The following ADAM9 variants were observed in gnomAD, a reference collection of about 807,000 sequenced individuals.
ADAM9 encodes the protein ADAM metallopeptidase domain 9.
In ADAM9, 54 loss-of-function variants were observed where a neutral mutation model predicts 108.1. The observed-to-expected ratio is 0.50, with a 90% CI of 0.40 to 0.63. The LOEUF (loss-of-function observed/expected upper bound fraction) is 0.63. Ranked by LOEUF, ADAM9 falls within the 20% of genes least tolerant of loss-of-function variation. The probability of loss-of-function intolerance (pLI) is 0.00; values close to 1 mark genes in which losing one functional copy is unlikely to be tolerated. For missense variants in ADAM9, 830 were observed against 997.7 expected (o/e 0.83, Z 2.26); for synonymous variants, 316 against 336.0 (o/e 0.94, Z 0.65).
intron 20 of ADAM9, among the ~76,000 whole-genome samples, chr8:39,093,710 A>T (rs543178313): frequency 1.3e-5 from 2 of 152,168 alleles, no homozygotes; most frequent in East Asian, 1.9e-4. Context: ...TTCAGTATGA[A>T]GTTAGCTGTG....
At chr8:39,066,491 T>A (rs1288882309) in intron 14 of ADAM9, among the ~76,000 whole-genome samples, 1 of 152,270 alleles carries the variant, frequency 6.6e-6, no homozygotes, top group African/African-American at 2.4e-5. Flanking sequence ...TTTGCGTTTG[T>A]CTGATGGCCA....
intron 1 of ADAM9, among the ~76,000 whole-genome samples, chr8:38,997,663 G>A (rs965465293): frequency 6.6e-6 from 1 of 152,238 alleles, no homozygotes; most frequent in African/African-American, 2.4e-5. Context: ...GACGTTCATG[G>A]TATCCTTGGG....
intron 4 of ADAM9, chr8:39,014,933 T>C (rs1836479154): frequency 5.5e-6 from 1 of 183,006 alleles, no homozygotes; most frequent in African/African-American, 2.4e-5. Context: ...GTCCATTGTT[T>C]AATAGAAAAT....
intron 16 of ADAM9, 82 bp downstream of exon 16, chr8:39,077,493 C>G: frequency 7.7e-7 from 1 of 1,300,398 alleles, no homozygotes; most frequent in Non-Finnish European, 1.0e-6. Flanking sequence ...TTGCTCTTTT[C>G]TGATTGTAAA....
At chr8:39,044,691 C>G (rs1021170381) in intron 12 of ADAM9, among the ~76,000 whole-genome samples, 2 of 152,064 alleles carry the variant, frequency 1.3e-5, no homozygotes, top group Non-Finnish European at 1.5e-5. Flanking sequence ...CATGTGCGCG[C>G]ATTGTTTAGC....
chr8:39,005,315 T>C (rs962415198), intron 1 of ADAM9, among the ~76,000 whole-genome samples: 1 of 152,182 alleles, frequency 6.6e-6, no homozygotes, highest in Non-Finnish European at 1.5e-5. Context: ...AAAGGTGATA[T>C]CTAGAAGATT....
intron 11 of ADAM9, among the ~76,000 whole-genome samples, chr8:39,038,090 G>A (rs1299170406): frequency 6.6e-6 from 1 of 152,106 alleles, no homozygotes; most frequent in African/African-American, 2.4e-5. Context: ...AGCTCCCACT[G>A]TTTCATTTTG....
intron 20 of ADAM9, among the ~76,000 whole-genome samples, 172 bp from the exon 21 acceptor site, chr8:39,101,691 C>T (rs1037057764): frequency 2.6e-5 from 4 of 151,936 alleles, no homozygotes; most frequent in African/African-American, 9.7e-5. Context: ...GCAAATATTC[C>T]AAAATTGGAA....
chr8:39,012,454 C>T (rs772704286), intron 3 of ADAM9, among the ~76,000 whole-genome samples: 3 of 152,108 alleles, frequency 2.0e-5, no homozygotes, highest in Non-Finnish European at 4.4e-5. Context: ...GGGTATATAC[C>T]CAATAGATTA....
Position 39,039,674 on chromosome 8 carries a change from C to T in ADAM9, c.1131-2272C>T, listed in dbSNP as rs73602720. 8.0e-3 allele frequency among the ~76,000 whole-genome samples: 1,220 copies of T among 152,300 alleles called. 25 individuals are homozygous for T. Among genetic ancestry groups the T allele is most frequent in the African/African-American group, 0.028 (1,158 of 41,554 alleles). On this transcript the variant is annotated intron_variant, in intron 11 of 21. Transcript: ENST00000487273. ...TTCTTTTTCTGTCTGGCTTGCTTCACGCAGCATAACATCCTCCAGGTTCCT... is the reference window on the plus strand; with the variant it reads ...TTCTTTTTCTGTCTGGCTTGCTTCATGCAGCATAACATCCTCCAGGTTCCT...
chr8:39,011,666 T>A lies in ADAM9; in HGVS notation c.204T>A (p.Tyr68Ter). The change falls in exon 3 of 22, where the codon TAT becomes TAA. Residue 68 changes from tyrosine (Y) to a stop codon, truncating the protein, a stop_gained. Transcript: ENST00000487273. LOFTEE classifies it high-confidence loss of function. ...CCCTTCTGTGCATTTAGGTATCTTA[T>A]GTTATTCAGGCTGAAGGAAAAGAGC... The part of the protein sequence containing the change: ...APRPYSKQVS[Y>*]VIQAEGKEHI... 1 of 1,610,760 alleles carries A rather than the reference T, an allele frequency of 6.2e-7. No individual in the cohort carries two copies. The highest frequency in any genetic ancestry group is 8.5e-7 in the Non-Finnish European group (1 of 1,177,082).
intron 20 of ADAM9, among the ~76,000 whole-genome samples, chr8:39,099,442 T>C (rs1011091452): frequency 2.0e-5 from 3 of 152,204 alleles, no homozygotes; most frequent in African/African-American, 7.2e-5. Flanking sequence ...TACTGGGAAG[T>C]TTCCTCTGGA....
chr8:39,011,242 A>G (rs990028360), intron 2 of ADAM9, among the ~76,000 whole-genome samples: 2 of 152,258 alleles, frequency 1.3e-5, no homozygotes, highest in Non-Finnish European at 2.9e-5. Flanking sequence ...AATTTGTATC[A>G]TAAAAGGAGT....
intron 18 of ADAM9, among the ~76,000 whole-genome samples, chr8:39,087,827 A>G (rs1479589579): frequency 6.6e-6 from 1 of 152,084 alleles, no homozygotes; most frequent in East Asian, 1.9e-4. Flanking sequence ...AGGGGCTCCA[A>G]CTCCCTGCAT....
At chr8:39,084,484 G>T in intron 18 of ADAM9, among the ~76,000 whole-genome samples, 1 of 149,604 alleles carries the variant, frequency 6.7e-6, no homozygotes, top group Non-Finnish European at 1.5e-5. Context: ...TTAGATATGT[G>T]CTATTTCTTT....
intron 12 of ADAM9, among the ~76,000 whole-genome samples, chr8:39,053,824 A>G (rs145945047): frequency 1.3e-5 from 2 of 152,252 alleles, no homozygotes; most frequent in Non-Finnish European, 2.9e-5. Context: ...ATGAAGATAA[A>G]TGCCTTTATG....
At chr8:39,042,527 G>A (rs753167509) in intron 12 of ADAM9, among the ~76,000 whole-genome samples, 8 of 151,558 alleles carry the variant, frequency 5.3e-5, no homozygotes, top group East Asian at 1.9e-4. Context: ...GTCCTCCAGC[G>A]TCCTTCAGTA....
chr8:39,033,407 T>C (rs575400068), intron 11 of ADAM9, among the ~76,000 whole-genome samples: 34 of 152,248 alleles, frequency 2.2e-4, no homozygotes, highest in Admixed American at 2.2e-3. Flanking sequence ...CCTTTTACTT[T>C]GTTTTCTTTT....
chr8:39,033,385 C>T (rs1837162835), intron 11 of ADAM9, among the ~76,000 whole-genome samples: 1 of 151,936 alleles, frequency 6.6e-6, no homozygotes, highest in Non-Finnish European at 1.5e-5. Context: ...TTCTTTCTTT[C>T]CAGTCAGTAT....
Sources: allele counts gnomAD v4.1 joint callset (sites outside exome capture counted in the v4.1 genomes callset), GRCh38; gene constraint gnomAD v4.1.1; transcripts MANE v1.5; gene names NCBI Gene and HGNC (gene_info 2026-07-23, HGNC 2026-07-21).